The following SEC14L1 variants were observed in gnomAD, a reference collection of about 807,000 sequenced individuals.
SEC14L1 encodes the protein SEC14 like lipid binding 1.
In SEC14L1, 48 loss-of-function variants were observed where a neutral mutation model predicts 85.3. The observed-to-expected ratio is 0.56, with a 90% CI of 0.45 to 0.72. The LOEUF (loss-of-function observed/expected upper bound fraction) is 0.72, where lower values mean the gene tolerates loss of function less well. Among genes scored for constraint, SEC14L1 ranks in the 30% least tolerant of loss-of-function variants. SEC14L1 has a pLI of 0.00. For missense variants in SEC14L1, 682 were observed against 921.4 expected (o/e 0.74, Z 3.36); for synonymous variants, 391 against 355.5 (o/e 1.10, Z -1.12).
chr17:77,132,470 C>T (rs1972641430), intron 3 of SEC14L1, among the ~76,000 whole-genome samples: 1 of 152,160 alleles, frequency 6.6e-6, no homozygotes, highest in Admixed American at 6.5e-5. Flanking sequence ...GGTGATCCAC[C>T]CGCCTCTGCC....
intron 5 of SEC14L1, 132 bp downstream of exon 5, chr17:77,191,444 C>G: frequency 3.0e-6 from 3 of 1,001,814 alleles, no homozygotes; most frequent in South Asian, 1.5e-5. Context: ...TCACTCATTT[C>G]TCATGTGTAG....
In SEC14L1 at chr17:77,214,728, T is replaced by A. The variant is rs1363077654; in HGVS notation, c.*705T>A. The A allele has an allele frequency of 3.0e-6, 3 of 985,490 alleles. No individual in the cohort carries two copies. Among genetic ancestry groups the A allele is most frequent in the East Asian group, 2.3e-4 (2 of 8,814 alleles). 61.0% of individuals were successfully genotyped at this position (985,490 alleles called of 1,614,324 possible). A position where few individuals can be genotyped will look rare whatever the true frequency, so the allele number is the denominator to read the frequency against. On this transcript the variant is annotated 3_prime_UTR_variant, in exon 17 of 17. Transcript: ENST00000436233. Reference sequence around the variant, plus strand: ...CTTTCTCTTTCCTCCTTTTCAAATCTTTTTGATACTTTTTAGAGCAGGATT... The same window carrying A: ...CTTTCTCTTTCCTCCTTTTCAAATCATTTTGATACTTTTTAGAGCAGGATT...
rs1490623983 is a variant in SEC14L1, at chr17:77,216,666, G to A, written c.*2643G>A. The A allele has an allele frequency of 2.5e-6, 4 of 1,600,150 alleles. No homozygotes were observed. Among genetic ancestry groups the A allele is most frequent in the Admixed American group, 1.7e-5 (1 of 59,096 alleles). On this transcript the variant is annotated 3_prime_UTR_variant, in exon 17 of 17. Transcript: ENST00000436233. ...ATCCCCTGCCCCCTCCCAGGCTGAA[G>A]ATCTGTTCTTTTTAAGTTGATTCGG...
At chr17:77,190,421 G>C (rs963056655) in intron 3 of SEC14L1, among the ~76,000 whole-genome samples, 1 of 152,058 alleles carries the variant, frequency 6.6e-6, no homozygotes, top group Non-Finnish European at 1.5e-5. Flanking sequence ...TGTAGTTATA[G>C]AGTAAGCCTT....
At chr17:77,197,435 C>CT (rs1484807945) in intron 8 of SEC14L1, among the ~76,000 whole-genome samples, 1 of 152,108 alleles carries the variant, frequency 6.6e-6, no homozygotes, top group Non-Finnish European at 1.5e-5. Flanking sequence ...ACCCAACATG[C>CT]TTTTTTTGTA....
At chr17:77,176,452 GGACCT>G (rs1974763290) in intron 3 of SEC14L1, among the ~76,000 whole-genome samples, 2 of 152,220 alleles carry the variant, frequency 1.3e-5, no homozygotes, top group Non-Finnish European at 2.9e-5. Context: ...ATTTCACTGG[GGACCT>G]GCTCCTGTCT....
At position 77,142,630 on chromosome 17, in the gene SEC14L1, C is replaced by CT. The variant is rs3834559; in HGVS notation, c.-135-6dup. ...ATACATCTTGGTAATTTGTCTCTCT[C>CT]TTTTTTTTTTAACAGCTAGACTTCG... On this transcript the variant is annotated splice_polypyrimidine_tract_variant and intron_variant, in intron 1 of 16. Coordinates refer to ENST00000436233, the MANE Select transcript of SEC14L1 (RefSeq NM_001143998.2). 92 of 144,566 alleles carry CT rather than the reference C, an allele frequency of 6.4e-4. No homozygotes were observed. The highest frequency in any genetic ancestry group is 1.1e-3 in the South Asian group (5 of 4,574). The allele number at this position is 144,566 out of a possible 1,614,324, so 9.0% of individuals were successfully genotyped here.
chr17:77,137,357 G>C (rs1394910270), upstream of SEC14L1, among the ~76,000 whole-genome samples: 4 of 152,318 alleles, frequency 2.6e-5, no homozygotes, highest in African/African-American at 7.2e-5. Context: ...GGAGAGAAGG[G>C]GGAACAGGCA....
chr17:77,101,950 C>T (rs535988109), intron 3 of SEC14L1, among the ~76,000 whole-genome samples: 2 of 152,270 alleles, frequency 1.3e-5, no homozygotes, highest in South Asian at 4.1e-4. Flanking sequence ...GCTGGGTTCT[C>T]TGAGGTCTCT....
intron 3 of SEC14L1, among the ~76,000 whole-genome samples, chr17:77,179,033 G>A (rs1283354701): frequency 6.6e-6 from 1 of 152,196 alleles, no homozygotes; most frequent in Non-Finnish European, 1.5e-5. Flanking sequence ...AAGAGATTTT[G>A]AAGTTTCTTT....
intron 3 of SEC14L1, among the ~76,000 whole-genome samples, chr17:77,183,336 CTCTG>C (rs906220016): frequency 5.6e-4 from 83 of 148,024 alleles, no homozygotes; most frequent in African/African-American, 2.0e-3. Context: ...CATTTGCTTT[CTCTG>C]TCTCTTTCAC....
chr17:77,109,056 A>G (rs1242352331), intron 3 of SEC14L1, among the ~76,000 whole-genome samples: 3 of 152,226 alleles, frequency 2.0e-5, no homozygotes, highest in Non-Finnish European at 4.4e-5. Flanking sequence ...TTCTGACCTC[A>G]GGTGATCATC....
chr17:77,172,528 T>G (rs1188453265), intron 3 of SEC14L1, among the ~76,000 whole-genome samples: 1 of 152,148 alleles, frequency 6.6e-6, no homozygotes, highest in East Asian at 1.9e-4. Flanking sequence ...TTGCTTTTTG[T>G]TTTTGCTTTT....
intron 7 of SEC14L1, chr17:77,195,160 G>GTGTT (rs537545832): frequency 0.018 from 9,401 of 516,592 alleles, 198 homozygotes; most frequent in Admixed American, 0.047. Context: ...ATACCAGAAG[G>GTGTT]TGTTTGTTTG....
chr17:77,195,514 A>G lies in SEC14L1; in HGVS notation c.709+603A>G, dbSNP rs117677717. Among the ~76,000 whole-genome samples the G allele has an allele frequency of 8.1e-3, 1,218 of 151,256 alleles. 10 individuals carry two copies. The highest frequency in any genetic ancestry group is 0.037 in the South Asian group (178 of 4,772). On this transcript the variant is annotated intron_variant, in intron 7 of 16. Transcript: ENST00000436233. ...TTTTATTTTTTTATTTTTGAGATAA[A>G]AAAGTCTCTGTCGCCCAGGCTGCAG...
At chr17:77,150,330 A>C (rs948403087) in intron 3 of SEC14L1, among the ~76,000 whole-genome samples, 2 of 152,140 alleles carry the variant, frequency 1.3e-5, no homozygotes, top group Admixed American at 1.3e-4. Flanking sequence ...GGAGTGAAAC[A>C]GACAGCAGGG....
intron 3 of SEC14L1, among the ~76,000 whole-genome samples, chr17:77,096,082 A>C (rs1412477847): frequency 6.9e-6 from 1 of 145,010 alleles, no homozygotes; most frequent in Non-Finnish European, 1.5e-5. Flanking sequence ...TTTTAAATAG[A>C]GATGAGGTCT....
At chr17:77,203,010 C>A (rs917797352) in intron 9 of SEC14L1, among the ~76,000 whole-genome samples, 7 of 150,972 alleles carry the variant, frequency 4.6e-5, no homozygotes, top group Admixed American at 1.3e-4. Context: ...AGAATGTTCT[C>A]ATTTGTCTTG....
chr17:77,173,506 A>C (rs1405534500), intron 3 of SEC14L1, among the ~76,000 whole-genome samples: 1 of 152,048 alleles, frequency 6.6e-6, no homozygotes, highest in Admixed American at 6.5e-5. Context: ...TTTCTGGCTT[A>C]TTCTTACTGG....
Sources: gnomAD v4.1 joint callset for allele counts (sites outside exome capture counted in the v4.1 genomes callset) on GRCh38, gnomAD v4.1.1 for gene constraint, MANE v1.5 for transcripts, NCBI Gene and HGNC (gene_info 2026-07-23, HGNC 2026-07-21) for gene names.